SPAG1: variants seen among roughly 807,000 people sequenced by gnomAD.
SPAG1 encodes the protein sperm-associated antigen 1.
In SPAG1, 69 loss-of-function variants were observed where a neutral mutation model predicts 100.5. That is an observed-to-expected ratio of 0.69 (90% CI 0.57 to 0.84). SPAG1 has a LOEUF of 0.84. Ranked by LOEUF, SPAG1 falls within the 40% of genes least tolerant of loss-of-function variation. The pLI is 0.00. For missense variants in SPAG1, 955 were observed against 1,133.1 expected (o/e 0.84, Z 2.26); for synonymous variants, 336 against 411.6 (o/e 0.82, Z 2.22).
rs182306857 is a variant in SPAG1 at position 100,208,786 on chromosome 8, G to A, written c.1097-4304G>A. The stretch of plus-strand genomic sequence containing the variant: ...TATAGTATTTGGGTTGGGGATTGGT[G>A]CATTTCTGGTTGTACAAAGGATAGT... On this transcript the variant is annotated intron_variant, in intron 10 of 18. Coordinates refer to ENST00000388798, the MANE Select transcript of SPAG1 (RefSeq NM_003114.5). Among the ~76,000 whole-genome samples the A allele has an allele frequency of 9.2e-5, 14 of 152,260 alleles. No individual in the cohort carries two copies. The East Asian group carries it at 2.5e-3, about 27-fold the overall frequency.
chr8:100,241,373 T>C lies in SPAG1; in HGVS notation c.*351T>C, dbSNP rs1333354248. 3 of 158,052 alleles carry C rather than the reference T, an allele frequency of 1.9e-5. No individual in the cohort carries two copies. The highest frequency in any genetic ancestry group is 7.2e-5 in the African/African-American group (3 of 41,642). 9.8% of individuals were successfully genotyped at this position (158,052 alleles called of 1,614,324 possible). A position where few individuals can be genotyped will look rare whatever the true frequency, so the allele number is the denominator to read the frequency against. ...CTCTTAAGTTTGATAGAAATGAATT[T>C]CTTGTAACATTCTTTTTTAAAAGTG... On this transcript the variant is annotated 3_prime_UTR_variant, in exon 19 of 19. Coordinates refer to ENST00000388798, the MANE Select transcript of SPAG1 (RefSeq NM_003114.5). The surrounding 1 kb of genome is among the most constrained non-coding windows in gnomAD (Gnocchi z 5.1).
Position 100,241,138 on chromosome 8 carries a change from C to G in SPAG1, c.*116C>G, listed in dbSNP as rs2132449444. The G allele has an allele frequency of 2.2e-6, 2 of 905,966 alleles. No homozygotes were observed. The highest frequency in any genetic ancestry group is 4.1e-5 in the South Asian group (2 of 48,292). 56.1% of individuals were successfully genotyped at this position (905,966 alleles called of 1,614,324 possible). A position where few individuals can be genotyped will look rare whatever the true frequency, so the allele number is the denominator to read the frequency against. ...TTGGCCTAGAAAAGTTTGGTCTGCA[C>G]TATAAAACATTTTACTTATTTTCCT... On this transcript the variant is annotated 3_prime_UTR_variant, in exon 19 of 19. Coordinates refer to ENST00000388798, the MANE Select transcript of SPAG1 (RefSeq NM_003114.5). The surrounding 1 kb of genome is among the most constrained non-coding windows in gnomAD (Gnocchi z 5.1).
chr8:100,168,702 G>C (rs367852538), intron 3 of SPAG1, among the ~76,000 whole-genome samples: 1 of 53,646 alleles, frequency 1.9e-5, no homozygotes, highest in Non-Finnish European at 3.5e-5. Flanking sequence ...TTTTTTTGTT[G>C]TTGAGACAGA....
At chr8:100,175,329 G>T (rs1816064072) in intron 3 of SPAG1, among the ~76,000 whole-genome samples, 1 of 145,278 alleles carries the variant, frequency 6.9e-6, no homozygotes, top group Non-Finnish European at 1.5e-5. Flanking sequence ...CTGTCGCCCA[G>T]CCTGGAGTGC....
intron 10 of SPAG1, among the ~76,000 whole-genome samples, chr8:100,194,992 C>T (rs1264868264): frequency 6.6e-6 from 1 of 151,930 alleles, no homozygotes; most frequent in East Asian, 1.9e-4. Flanking sequence ...TGGTGAAACC[C>T]TGTCTCTACT....
chr8:100,234,710 G>C (rs943312285), intron 16 of SPAG1, among the ~76,000 whole-genome samples: 16 of 152,208 alleles, frequency 1.1e-4, no homozygotes, highest in Admixed American at 1.0e-3. Flanking sequence ...ACATTCTTGT[G>C]TACATTTTTA....
In SPAG1 at chr8:100,240,491, G is replaced by A; in HGVS notation, c.2369G>A (p.Arg790Lys). 6.2e-7 allele frequency: 1 copy of A among 1,614,074 alleles called. No individual in the cohort carries two copies. The highest frequency in any genetic ancestry group is 8.5e-7 in the Non-Finnish European group (1 of 1,180,000). Residue 790 changes from arginine (R) to lysine (K), a missense_variant, in exon 18 of 19, where the codon AGG becomes AAG. Arg to Lys is a conservative substitution (Grantham distance 26). Transcript: ENST00000388798. ...TCTGAGAAGGGAGGCAAAAGCAGCA[G>A]GTCACCAGAAGACCCTGAGAAACTT... ...LASEKGGKSS[R>K]SPEDPEKLPI...
intron 14 of SPAG1, among the ~76,000 whole-genome samples, chr8:100,226,291 G>C (rs562161168): frequency 6.6e-6 from 1 of 152,056 alleles, no homozygotes; most frequent in Non-Finnish European, 1.5e-5. Flanking sequence ...GCCACCATGC[G>C]TGGTTTAAGG....
In SPAG1 at chr8:100,213,376, C is replaced by T; in HGVS notation, c.1383C>T (p.Phe461=). 1 of 1,452,332 alleles carries T rather than the reference C, an allele frequency of 6.9e-7. No homozygotes were observed. Among genetic ancestry groups the T allele is most frequent in the South Asian group, 1.3e-5 (1 of 74,306 alleles). The allele number at this position is 1,452,332 out of a possible 1,614,324, so 90.0% of individuals were successfully genotyped here. A position where few individuals can be genotyped will look rare whatever the true frequency, so the allele number is the denominator to read the frequency against. ...ACGAGCTGTTCCGAAGCGGGCAGTTCGCCGAGGCGGCCGGCAAGTACTCGG... is the reference window on the plus strand; with the variant it reads ...ACGAGCTGTTCCGAAGCGGGCAGTTTGCCGAGGCGGCCGGCAAGTACTCGG... ...QGNELFRSGQ[F]AEAAGKYSAA... The change falls in exon 11 of 19, where the codon TTC becomes TTT. Residue 461 remains phenylalanine, a synonymous_variant. Transcript: ENST00000388798.
intron 1 of SPAG1, among the ~76,000 whole-genome samples, chr8:100,160,608 CAG>C (rs1815262317): frequency 7.9e-6 from 1 of 126,270 alleles, no homozygotes; most frequent in Admixed American, 9.9e-5. Flanking sequence ...GCCTGGGTGA[CAG>C]AGCAAGACTC....
intron 3 of SPAG1, among the ~76,000 whole-genome samples, chr8:100,173,894 A>G (rs1338640785): frequency 1.3e-5 from 2 of 152,220 alleles, no homozygotes; most frequent in Non-Finnish European, 2.9e-5. Context: ...CAATGTATAT[A>G]TACTTAACAA....
chr8:100,195,138 C>G (rs1324604999), intron 10 of SPAG1, among the ~76,000 whole-genome samples: 1 of 146,034 alleles, frequency 6.8e-6, no homozygotes, highest in Admixed American at 7.1e-5. Flanking sequence ...GCACTCCAGC[C>G]TGGGCAATAG....
chr8:100,239,142 CATACTGCACAG>C lies in SPAG1; in HGVS notation c.2116-97_2116-87del, dbSNP rs1425560866. On this transcript the variant is annotated intron_variant, in intron 16 of 18. Transcript: ENST00000388798. This position sits in a 1 kb window ranked among gnomAD's most constrained non-coding sequence, Gnocchi z 5.0. ...GTGGTATTAATGTGGACCCTGCACA[CATACTGCACAG>C]CTCACTACATCCACCCCACTCCCAC... 1.6e-5 allele frequency: 11 copies of C among 683,934 alleles called. No individual in the cohort carries two copies. The highest frequency in any genetic ancestry group is 2.7e-5 in the Non-Finnish European group (11 of 407,184). 42.4% of individuals were successfully genotyped at this position (683,934 alleles called of 1,614,324 possible).
chr8:100,235,298 G>A (rs1818954888), intron 16 of SPAG1, among the ~76,000 whole-genome samples: 1 of 152,162 alleles, frequency 6.6e-6, no homozygotes, highest in Non-Finnish European at 1.5e-5. Context: ...TAAAGGCCCT[G>A]TCTCCAAATA....
intron 14 of SPAG1, among the ~76,000 whole-genome samples, chr8:100,228,256 G>C (rs1443648683): frequency 1.3e-5 from 2 of 151,976 alleles, no homozygotes; most frequent in African/African-American, 2.4e-5. Context: ...TAAGATTATT[G>C]TTTACATTCT....
At chr8:100,238,665 G>A (rs1351075690) in intron 16 of SPAG1, among the ~76,000 whole-genome samples, 1 of 152,158 alleles carries the variant, frequency 6.6e-6, no homozygotes, top group Non-Finnish European at 1.5e-5. Flanking sequence ...ATTAAATGTT[G>A]ACTCTAGCCA....
intron 12 of SPAG1, among the ~76,000 whole-genome samples, chr8:100,216,931 C>CTTTT (rs141365826): frequency 2.5e-4 from 21 of 84,152 alleles, no homozygotes; most frequent in South Asian, 4.5e-4. Flanking sequence ...TCCATGAGTT[C>CTTTT]TTTTTTTTTT....
At chr8:100,165,166 C>T (rs976093201) in intron 2 of SPAG1, 1 of 425,180 alleles carries the variant, frequency 2.4e-6, no homozygotes, top group Non-Finnish European at 4.7e-6. Flanking sequence ...TTTACAGCAA[C>T]AAAAAATACC....
intron 3 of SPAG1, among the ~76,000 whole-genome samples, chr8:100,177,047 T>G (rs1480494693): frequency 6.6e-6 from 1 of 152,090 alleles, no homozygotes; most frequent in Non-Finnish European, 1.5e-5. Context: ...CAGATCTTAA[T>G]CTCTGGCACA....
Sources: allele counts gnomAD v4.1 joint callset (sites outside exome capture counted in the v4.1 genomes callset), GRCh38; gene constraint gnomAD v4.1.1; non-coding constraint Gnocchi (gnomAD v3.1); transcripts MANE v1.5; gene names NCBI Gene and HGNC (gene_info 2026-07-23, HGNC 2026-07-21).